The following AKAP7 variants were observed in gnomAD, a reference collection of about 807,000 sequenced individuals.
The protein encoded by AKAP7 is A-kinase anchoring protein 7.
In AKAP7, 39 loss-of-function variants were observed where a neutral mutation model predicts 39.5. That is an observed-to-expected ratio of 0.99 (90% CI 0.76 to 1.29). The LOEUF is 1.29. Among genes scored for constraint, AKAP7 ranks in the 50% most tolerant of loss-of-function variants. The pLI is 0.00. For synonymous variants in AKAP7, 140 were observed against 139.1 expected (o/e 1.01, Z -0.05); for missense variants, 414 against 407.7 (o/e 1.02, Z -0.13).
the AKAP7 span, among the ~76,000 whole-genome samples, chr6:131,126,671 A>G: frequency 6.6e-6 from 1 of 152,194 alleles, no homozygotes; most frequent in Admixed American, 6.5e-5. Flanking sequence ...ACATTAATAT[A>G]CTTAGAATTA....
intron 7 of AKAP7, chr6:131,250,358 G>T: frequency 7.2e-7 from 1 of 1,387,800 alleles, no homozygotes; most frequent in East Asian, 2.7e-5. Flanking sequence ...TAGGCTGGAG[G>T]ACTGGAGGTG....
chr6:131,147,608 A>G (rs1188054776), intron 2 of AKAP7, among the ~76,000 whole-genome samples: 1 of 152,266 alleles, frequency 6.6e-6, no homozygotes, highest in Non-Finnish European at 1.5e-5. Flanking sequence ...TACTTGTTGA[A>G]CAAATAAAAT....
chr6:131,247,293 A>G (rs1337896360), intron 7 of AKAP7, among the ~76,000 whole-genome samples: 2,435 of 121,020 alleles, frequency 0.02, 169 homozygotes, highest in African/African-American at 0.078. Context: ...ATATATATAT[A>G]TATATATATA....
At chr6:131,159,306 G>A (rs1002561309) in intron 2 of AKAP7, among the ~76,000 whole-genome samples, 8 of 151,724 alleles carry the variant, frequency 5.3e-5, no homozygotes, top group African/African-American at 1.9e-4. Flanking sequence ...TGTTAGCCAG[G>A]ATGGTCTTGA....
intron 7 of AKAP7, among the ~76,000 whole-genome samples, chr6:131,274,287 G>A (rs1814561491): frequency 6.6e-6 from 1 of 152,020 alleles, no homozygotes; most frequent in African/African-American, 2.4e-5. Flanking sequence ...TCGATTTGAG[G>A]ATATGTAGTT....
chr6:131,234,327 GCAAA>G (rs1325215494), intron 7 of AKAP7, among the ~76,000 whole-genome samples: 1 of 152,146 alleles, frequency 6.6e-6, no homozygotes, highest in Non-Finnish European at 1.5e-5. Context: ...GGGAAGTCAT[GCAAA>G]CAAACAATTA....
chr6:131,180,087 A>G (rs541600860), intron 5 of AKAP7, among the ~76,000 whole-genome samples: 1 of 152,212 alleles, frequency 6.6e-6, no homozygotes, highest in African/African-American at 2.4e-5. Context: ...CCCTGTTTGG[A>G]GCAACTATAA....
chr6:131,267,349 C>T (rs111803143), intron 7 of AKAP7, among the ~76,000 whole-genome samples: 9 of 152,128 alleles, frequency 5.9e-5, no homozygotes, highest in Non-Finnish European at 1.2e-4. Context: ...GTTCTGAGAC[C>T]GAAGCTTACA....
chr6:131,196,224 C>T (rs537049501), intron 5 of AKAP7, among the ~76,000 whole-genome samples: 10 of 148,220 alleles, frequency 6.7e-5, no homozygotes, highest in African/African-American at 2.5e-4. Flanking sequence ...CTGTTTGGCC[C>T]TGTTATTAAG....
At chr6:131,183,614 G>A (rs1410191793) in intron 5 of AKAP7, among the ~76,000 whole-genome samples, 1 of 152,094 alleles carries the variant, frequency 6.6e-6, no homozygotes, top group African/African-American at 2.4e-5. Flanking sequence ...CATTCCAAGG[G>A]TGGGGAATGC....
At chr6:131,223,377 G>A (rs1015930790) in intron 7 of AKAP7, among the ~76,000 whole-genome samples, 2 of 152,170 alleles carry the variant, frequency 1.3e-5, no homozygotes, top group Non-Finnish European at 2.9e-5. Context: ...ATTTAAAAAT[G>A]TTCAAGAGAC....
intron 7 of AKAP7, among the ~76,000 whole-genome samples, chr6:131,255,859 C>T (rs540870842): frequency 6.6e-6 from 1 of 152,310 alleles, no homozygotes; most frequent in South Asian, 2.1e-4. Context: ...CTTTCTCTTC[C>T]TCCTCCTCCA....
intron 2 of AKAP7, among the ~76,000 whole-genome samples, chr6:131,159,415 A>T (rs1449155015): frequency 6.6e-6 from 1 of 152,228 alleles, no homozygotes; most frequent in Non-Finnish European, 1.5e-5. Context: ...TTAAAAAAAA[A>T]TTTCCTGTTT....
chr6:131,156,580 C>T (rs1032402957), intron 2 of AKAP7, among the ~76,000 whole-genome samples: 1 of 151,942 alleles, frequency 6.6e-6, no homozygotes, highest in Non-Finnish European at 1.5e-5. Context: ...TTCGAGGTTA[C>T]AGTGAGCTAT....
chr6:131,170,811 A>G (rs1264982877), intron 5 of AKAP7, among the ~76,000 whole-genome samples: 1 of 152,218 alleles, frequency 6.6e-6, no homozygotes, highest in Non-Finnish European at 1.5e-5. Flanking sequence ...GACATTTAGC[A>G]TAGTGTCAGT....
chr6:131,180,125 A>C (rs1213955086), intron 5 of AKAP7, among the ~76,000 whole-genome samples: 1 of 152,180 alleles, frequency 6.6e-6, no homozygotes. Context: ...AGCAGATGGC[A>C]CTGAGGCTGG....
At chr6:131,127,650 G>A in the AKAP7 span, among the ~76,000 whole-genome samples, 1 of 151,934 alleles carries the variant, frequency 6.6e-6, no homozygotes, top group African/African-American at 2.4e-5. Flanking sequence ...AACAAACTAG[G>A]GGAAATGTTT....
chr6:131,256,831 C>T (rs932344228), intron 7 of AKAP7, among the ~76,000 whole-genome samples: 3 of 151,992 alleles, frequency 2.0e-5, no homozygotes, highest in Non-Finnish European at 4.4e-5. Flanking sequence ...TGAGCCACTG[C>T]ACCCAGCCAT....
At chr6:131,148,708 A>G (rs1280481924) in intron 2 of AKAP7, among the ~76,000 whole-genome samples, 2 of 152,216 alleles carry the variant, frequency 1.3e-5, no homozygotes, top group African/African-American at 2.4e-5. Flanking sequence ...GTTTTTCTGA[A>G]GTGAGATTTT....
Sources: gnomAD v4.1 joint callset for allele counts (sites outside exome capture counted in the v4.1 genomes callset) on GRCh38, gnomAD v4.1.1 for gene constraint, MANE v1.5 for transcripts, NCBI Gene and HGNC (gene_info 2026-07-23, HGNC 2026-07-21) for gene names.